The following CHRM3 variants were observed in gnomAD, a reference collection of about 807,000 sequenced individuals.
The protein encoded by CHRM3 is muscarinic acetylcholine receptor M3.
Under a neutral mutation model 41.8 loss-of-function variants are expected in CHRM3, and 11 were observed. The ratio of observed to expected loss-of-function variants is 0.26; its 90% confidence interval spans 0.17 to 0.44. CHRM3 has a LOEUF of 0.44. CHRM3 is among the 20% of genes least tolerant of loss of function. The pLI is 1.00. For synonymous variants in CHRM3, 297 were observed against 301.4 expected (o/e 0.99, Z 0.15); for missense variants, 571 against 745.4 (o/e 0.77, Z 2.72).
In CHRM3 at chr1:239,505,259, G is replaced by GGATGAT. The variant is rs3028735; in HGVS notation, c.-422+12495_-422+12500dup. On this transcript the variant is annotated intron_variant, in intron 2 of 6. Coordinates refer to ENST00000676153, the MANE Select transcript of CHRM3 (RefSeq NM_001375978.1). ...CATATTGTTCAGTAACTGTTTCCTG[G>GGATGAT]GATGATGATGATGATGATGATGATG... 5.8e-3 allele frequency among the ~76,000 whole-genome samples: 841 copies of GGATGAT among 144,882 alleles called. 6 individuals are homozygous for GGATGAT. The highest frequency in any genetic ancestry group is 0.029 in the South Asian group (125 of 4,288).
In CHRM3 at chr1:239,388,695, C is replaced by A. The variant is rs563862532; in HGVS notation, c.-521+1468C>A. 1.4e-3 allele frequency among the ~76,000 whole-genome samples: 217 copies of A among 152,288 alleles called. 1 individual carries two copies. The highest frequency in any genetic ancestry group is 5.1e-3 in the African/African-American group (212 of 41,560). ...TCTGTTCCAAATATTGTGGGATAGACGAGGTGTTGAGTGCACCCTCTTGTT... is the reference window on the plus strand; with the variant it reads ...TCTGTTCCAAATATTGTGGGATAGAAGAGGTGTTGAGTGCACCCTCTTGTT... On this transcript the variant is annotated intron_variant, in intron 1 of 6. Coordinates refer to ENST00000676153, the MANE Select transcript of CHRM3 (RefSeq NM_001375978.1).
rs138204400 is a variant in CHRM3, at chr1:239,570,122, G to A, written c.-313+24373G>A. ...TTCCCATAATCCCTGTATGTCGAGG[G>A]AGGGTCCTGGTAGGAGGTGATTGGA... On this transcript the variant is annotated intron_variant, in intron 3 of 6. Transcript: ENST00000676153. Among the ~76,000 whole-genome samples the A allele has an allele frequency of 9.1e-4, 139 of 152,266 alleles. 1 individual carries two copies. Among genetic ancestry groups the A allele is most frequent in the African/African-American group, 3.0e-3 (126 of 41,562 alleles).
intron 1 of CHRM3, among the ~76,000 whole-genome samples, chr1:239,399,009 T>C (rs4659912): frequency 0.78 from 118,869 of 152,052 alleles, 48,804 homozygotes; most frequent in Non-Finnish European, 0.91. Flanking sequence ...AAAGAAAAAG[T>C]AATATGTTGG....
intron 3 of CHRM3, among the ~76,000 whole-genome samples, chr1:239,571,861 T>C (rs1661857855): frequency 1.3e-5 from 2 of 152,166 alleles, no homozygotes; most frequent in South Asian, 4.1e-4. Context: ...TTTCTTTTCT[T>C]TTTTCCCCCT....
chr1:239,569,848 T>C (rs997300754), intron 3 of CHRM3, among the ~76,000 whole-genome samples: 1 of 152,154 alleles, frequency 6.6e-6, no homozygotes, highest in African/African-American at 2.4e-5. Flanking sequence ...TCCCAGACTT[T>C]AGGCACAAAA....
chr1:239,663,297 G>A (rs1404964813), intron 4 of CHRM3, among the ~76,000 whole-genome samples: 1 of 152,084 alleles, frequency 6.6e-6, no homozygotes, highest in East Asian at 1.9e-4. Context: ...TGTCTTCTCA[G>A]GTAACTCAAA....
At chr1:239,675,018 A>C (rs572427261) in intron 4 of CHRM3, among the ~76,000 whole-genome samples, 1 of 152,112 alleles carries the variant, frequency 6.6e-6, no homozygotes, top group South Asian at 2.1e-4. Context: ...TATCCATTCG[A>C]GTTCTTTTGA....
chr1:239,662,105 ATGTGTGTGTG>A (rs57202092), intron 4 of CHRM3, among the ~76,000 whole-genome samples: 4,275 of 144,828 alleles, frequency 0.03, 92 homozygotes, highest in Admixed American at 0.058. Context: ...TCAGTTTTAG[ATGTGTGTGTG>A]TGTGTGTGTG....
At chr1:239,691,543 A>C (rs1172564594) in intron 5 of CHRM3, among the ~76,000 whole-genome samples, 2 of 152,176 alleles carry the variant, frequency 1.3e-5, no homozygotes, top group Non-Finnish European at 2.9e-5. Context: ...AGTAACTATC[A>C]AGCTGTTACC....
chr1:239,752,065 A>G (rs1478744068), intron 5 of CHRM3, among the ~76,000 whole-genome samples: 1 of 152,222 alleles, frequency 6.6e-6, no homozygotes, highest in Non-Finnish European at 1.5e-5. Context: ...ATGCTCTTCA[A>G]CAAGTGTTCC....
chr1:239,611,466 G>A (rs972446155), intron 3 of CHRM3, among the ~76,000 whole-genome samples: 4 of 137,258 alleles, frequency 2.9e-5, no homozygotes, highest in Non-Finnish European at 6.1e-5. Flanking sequence ...CTGTTGCTAG[G>A]CTAGAGTGCT....
intron 6 of CHRM3, among the ~76,000 whole-genome samples, chr1:239,876,869 G>A (rs1445991459): frequency 9.9e-5 from 15 of 152,102 alleles, no homozygotes; most frequent in Non-Finnish European, 1.8e-4. Flanking sequence ...TGCTTAGCTT[G>A]GGGTTTCATC....
chr1:239,487,848 T>A (rs1572468882), intron 1 of CHRM3, among the ~76,000 whole-genome samples: 1 of 129,602 alleles, frequency 7.7e-6, no homozygotes. Flanking sequence ...TATGCTTGGG[T>A]AATATTTGCA....
At chr1:239,844,444 C>T (rs77035455) in intron 6 of CHRM3, among the ~76,000 whole-genome samples, 4,133 of 152,192 alleles carry the variant, frequency 0.027, 175 homozygotes, top group African/African-American at 0.095. Flanking sequence ...TGATAGCACA[C>T]CCCATCTCCA....
rs548188372 is a variant in CHRM3 at position 239,550,575 on chromosome 1, G to A, written c.-313+4826G>A. On this transcript the variant is annotated intron_variant, in intron 3 of 6. Transcript: ENST00000676153. ...CTATGAAATGTCTTTCAATATGGAT[G>A]TTTTCTTAAAATTGTTATTAATATA... is the stretch of plus-strand genomic sequence containing the variant. Among the ~76,000 whole-genome samples the A allele has an allele frequency of 1.9e-3, 292 of 152,256 alleles. 2 individuals carry two copies. The highest frequency in any genetic ancestry group is 3.7e-3 in the South Asian group (18 of 4,826).
intron 1 of CHRM3, among the ~76,000 whole-genome samples, chr1:239,479,962 T>C (rs1666723671): frequency 6.6e-6 from 1 of 152,200 alleles, no homozygotes; most frequent in Non-Finnish European, 1.5e-5. Flanking sequence ...AAAGTAATTG[T>C]GCTATGATGT....
At chr1:239,715,602 T>C (rs937762912) in intron 5 of CHRM3, among the ~76,000 whole-genome samples, 1 of 152,098 alleles carries the variant, frequency 6.6e-6, no homozygotes, top group African/African-American at 2.4e-5. Context: ...TGGGAGAGGT[T>C]GAAGGTTTGT....
intron 3 of CHRM3, among the ~76,000 whole-genome samples, chr1:239,562,564 T>C (rs2148495657): frequency 6.6e-6 from 1 of 152,132 alleles, no homozygotes; most frequent in African/African-American, 2.4e-5. Flanking sequence ...TCTATTTAGA[T>C]GATGATGATG....
At chr1:239,688,701 T>A (rs1358475535) in intron 5 of CHRM3, among the ~76,000 whole-genome samples, 1 of 133,488 alleles carries the variant, frequency 7.5e-6, no homozygotes, top group African/African-American at 2.8e-5. Flanking sequence ...TATATAATAT[T>A]ATATATAATA....
Sources: gnomAD v4.1 joint callset for allele counts (sites outside exome capture counted in the v4.1 genomes callset) on GRCh38, gnomAD v4.1.1 for gene constraint, MANE v1.5 for transcripts, NCBI Gene and HGNC (gene_info 2026-07-23, HGNC 2026-07-21) for gene names.